The following PCSK5 variants were observed in gnomAD, a reference collection of about 807,000 sequenced individuals.
The protein encoded by PCSK5 is prohormone convertase 5.
In PCSK5, 129 loss-of-function variants were observed where a neutral mutation model predicts 233.2. The ratio of observed to expected loss-of-function variants is 0.55; its 90% CI spans 0.48 to 0.64. PCSK5 has a LOEUF of 0.64. Ranked by LOEUF, PCSK5 falls within the 30% of genes least tolerant of loss-of-function variation. The pLI is 0.00. For missense variants in PCSK5, 2,076 were observed against 2,430.1 expected (o/e 0.85, Z 3.06); for synonymous variants, 825 against 879.2 (o/e 0.94, Z 1.09).
chr9:75,896,237 G>T (rs1182685563), intron 1 of PCSK5, among the ~76,000 whole-genome samples: 1 of 152,206 alleles, frequency 6.6e-6, no homozygotes, highest in Non-Finnish European at 1.5e-5. Context: ...GTGATGGCGT[G>T]TCTGCTGCAT....
chr9:75,964,791 A>G (rs573449307), intron 2 of PCSK5, among the ~76,000 whole-genome samples: 11 of 152,340 alleles, frequency 7.2e-5, no homozygotes, highest in African/African-American at 2.4e-4. Flanking sequence ...ATATAGGTGT[A>G]ACAAGGCTAT....
At chr9:76,048,216 ATTGT>A (rs1302752743) in intron 5 of PCSK5, among the ~76,000 whole-genome samples, 2 of 152,102 alleles carry the variant, frequency 1.3e-5, no homozygotes, top group East Asian at 1.9e-4. Flanking sequence ...TTTGACTTTT[ATTGT>A]TTGTTTGCAT....
chr9:76,302,349 A>G, intron 28 of PCSK5, 132 bp downstream of exon 28: 1 of 344,612 alleles, frequency 2.9e-6, no homozygotes, highest in Non-Finnish European at 5.6e-6. Context: ...AGGTCATTAG[A>G]AAAAGTTGGA....
At chr9:75,967,990 G>C (rs995568668) in intron 2 of PCSK5, among the ~76,000 whole-genome samples, 3 of 152,160 alleles carry the variant, frequency 2.0e-5, no homozygotes, top group Admixed American at 6.5e-5. Context: ...TCAAACTCCC[G>C]ACCTCAGGTG....
rs554212297 is a variant in PCSK5 at position 76,222,718 on chromosome 9, G to A, written c.2627-4785G>A. On this transcript the variant is annotated intron_variant, in intron 20 of 37. Transcript: ENST00000674117. The stretch of plus-strand genomic sequence containing the variant: ...TGAATGATTGTGTTGACTTAAAGAT[G>A]TTGCAGTCTCAGTTGATGGCCTCAT... 4.8e-4 allele frequency among the ~76,000 whole-genome samples: 73 copies of A among 152,252 alleles called. 1 individual carries two copies. The highest frequency in any genetic ancestry group is 1.6e-3 in the African/African-American group (67 of 41,546).
At chr9:75,934,757 T>A (rs1439716149) in intron 2 of PCSK5, among the ~76,000 whole-genome samples, 1 of 151,830 alleles carries the variant, frequency 6.6e-6, no homozygotes, top group Non-Finnish European at 1.5e-5. Flanking sequence ...AATTTTTGTA[T>A]TATTAGTAGA....
At chr9:76,281,214 T>G (rs1827852036) in intron 24 of PCSK5, among the ~76,000 whole-genome samples, 1 of 152,216 alleles carries the variant, frequency 6.6e-6, no homozygotes, top group East Asian at 1.9e-4. Flanking sequence ...CAGCCTTCCA[T>G]TGGGAAAACA....
At chr9:76,181,849 A>G (rs1328107212) in intron 16 of PCSK5, among the ~76,000 whole-genome samples, 1 of 152,216 alleles carries the variant, frequency 6.6e-6, no homozygotes, top group East Asian at 1.9e-4. Flanking sequence ...AGTCGTGCTC[A>G]TGAACTCACA....
chr9:76,292,504 C>T (rs1473451096), intron 25 of PCSK5, among the ~76,000 whole-genome samples: 2 of 152,202 alleles, frequency 1.3e-5, no homozygotes, highest in Non-Finnish European at 2.9e-5. Context: ...CAGCCTGACA[C>T]TGGTGTCTAG....
At chr9:76,245,273 C>T (rs971408687) in intron 24 of PCSK5, among the ~76,000 whole-genome samples, 23 of 152,174 alleles carry the variant, frequency 1.5e-4, no homozygotes, top group African/African-American at 4.1e-4. Context: ...GAAAATGTAT[C>T]GGTATTTGCA....
chr9:76,262,208 A>C (rs1564142354), intron 24 of PCSK5, among the ~76,000 whole-genome samples: 1 of 152,134 alleles, frequency 6.6e-6, no homozygotes, highest in Non-Finnish European at 1.5e-5. Context: ...TGCCCAAGGT[A>C]ATTTATAGAT....
chr9:76,144,126 G>A (rs1292979432), intron 10 of PCSK5, among the ~76,000 whole-genome samples: 2 of 152,006 alleles, frequency 1.3e-5, no homozygotes, highest in Non-Finnish European at 1.5e-5. Flanking sequence ...CCGAAGTATT[G>A]TATTCATATT....
chr9:76,280,355 A>G (rs1827827052), intron 24 of PCSK5, among the ~76,000 whole-genome samples: 1 of 152,156 alleles, frequency 6.6e-6, no homozygotes, highest in Admixed American at 6.5e-5. Flanking sequence ...TTACAGTGGC[A>G]TCTACATGCT....
intron 2 of PCSK5, among the ~76,000 whole-genome samples, chr9:75,949,498 G>C (rs1824742796): frequency 6.6e-6 from 1 of 151,650 alleles, no homozygotes; most frequent in Non-Finnish European, 1.5e-5. Flanking sequence ...TATTTATGTT[G>C]GGACAGTTGT....
At chr9:76,301,990 TCA>T (rs1238346446) in intron 27 of PCSK5, 145 bp from the exon 28 acceptor site, 6 of 364,594 alleles carry the variant, frequency 1.6e-5, no homozygotes, top group South Asian at 6.7e-5. Flanking sequence ...GTAATTATAC[TCA>T]CACACTCAAT....
At chr9:76,255,019 G>T (rs1055482950) in intron 24 of PCSK5, among the ~76,000 whole-genome samples, 1 of 152,174 alleles carries the variant, frequency 6.6e-6, no homozygotes, top group Non-Finnish European at 1.5e-5. Flanking sequence ...AGGCATGGTG[G>T]CTCATGCCTG....
chr9:76,311,611 G>A (rs1343054153), intron 30 of PCSK5, among the ~76,000 whole-genome samples: 3 of 152,156 alleles, frequency 2.0e-5, no homozygotes, highest in Non-Finnish European at 2.9e-5. Flanking sequence ...GGAAGAAAGT[G>A]AGGAATAGCA....
At chr9:76,128,820 C>T (rs1822631939) in intron 9 of PCSK5, among the ~76,000 whole-genome samples, 1 of 152,178 alleles carries the variant, frequency 6.6e-6, no homozygotes, top group Admixed American at 6.5e-5. Flanking sequence ...ATACAACTCA[C>T]ATTTCTAAAT....
chr9:75,962,481 A>C (rs1237820833), intron 2 of PCSK5, among the ~76,000 whole-genome samples: 1 of 152,186 alleles, frequency 6.6e-6, no homozygotes, highest in Admixed American at 6.5e-5. Flanking sequence ...AATGCGGTAG[A>C]GTGGCTCTTT....
Sources: allele counts gnomAD v4.1 joint callset (sites outside exome capture counted in the v4.1 genomes callset), GRCh38; gene constraint gnomAD v4.1.1; transcripts MANE v1.5; gene names NCBI Gene and HGNC (gene_info 2026-07-23, HGNC 2026-07-21).